Variants in TMEM169 observed in about 807,000 individuals in gnomAD.
TMEM169 encodes the protein transmembrane protein 169.
In TMEM169, 18 loss-of-function variants were observed where a neutral mutation model predicts 27.3. The observed-to-expected ratio is 0.66, with a 90% CI of 0.46 to 0.98. The LOEUF is 0.98. TMEM169 is among the 50% of genes least tolerant of loss of function. TMEM169 has a pLI of 0.00. For synonymous variants in TMEM169, 136 were observed against 142.1 expected, an observed-to-expected ratio of 0.96 and a Z score of 0.30; for missense variants, 320 against 368.6, an observed-to-expected ratio of 0.87 and a Z score of 1.08.
At chr2:216,090,020 C>T (rs777033394) in intron 1 of TMEM169, among the ~76,000 whole-genome samples, 14 of 152,006 alleles carry the variant, frequency 9.2e-5, no homozygotes, top group South Asian at 4.1e-4. Flanking sequence ...TGCGCGTGTG[C>T]GTGCGTGCAT....
Position 216,099,746 on chromosome 2 carries a change from G to A in TMEM169, c.272-174G>A, listed in dbSNP as rs1315835115. Reference sequence around the variant, plus strand: ...TCATGTGGGAGCAATAACACCAGTGGTCACTCTCCCGAGGGAGACCCACTC... The same window carrying A: ...TCATGTGGGAGCAATAACACCAGTGATCACTCTCCCGAGGGAGACCCACTC... On this transcript the variant is annotated intron_variant, in intron 2 of 2. Coordinates refer to ENST00000437356, the MANE Select transcript of TMEM169 (RefSeq NM_001142311.2). This position sits in a 1 kb window ranked among gnomAD's most constrained non-coding sequence, Gnocchi z 5.0. Among the ~76,000 whole-genome samples the A allele has an allele frequency of 6.6e-6, 1 of 152,080 alleles. No individual in the cohort carries two copies. The highest frequency in any genetic ancestry group is 6.6e-5 in the Admixed American group (1 of 15,264).
At chr2:216,096,776 G>T (rs1201623938) in intron 2 of TMEM169, among the ~76,000 whole-genome samples, 1 of 152,208 alleles carries the variant, frequency 6.6e-6, no homozygotes, top group Non-Finnish European at 1.5e-5. Context: ...TGAAATGGAA[G>T]AGGCTGATTT....
At chr2:216,084,476 G>C (rs1361122736) in intron 1 of TMEM169, among the ~76,000 whole-genome samples, 1 of 152,162 alleles carries the variant, frequency 6.6e-6, no homozygotes, top group African/African-American at 2.4e-5. Context: ...CACTTAAAAA[G>C]ATTTATCGAG....
chr2:216,097,255 G>T (rs912184466), intron 2 of TMEM169, among the ~76,000 whole-genome samples: 4 of 152,148 alleles, frequency 2.6e-5, no homozygotes, highest in Non-Finnish European at 5.9e-5. Context: ...TATTGTGGAG[G>T]CTGGGCACGG....
At chr2:216,097,968 C>T (rs922240169) in intron 2 of TMEM169, among the ~76,000 whole-genome samples, 3 of 152,060 alleles carry the variant, frequency 2.0e-5, no homozygotes, top group Non-Finnish European at 4.4e-5. Context: ...ACAGCAAGGG[C>T]AAAGCCTCTG....
intron 2 of TMEM169, among the ~76,000 whole-genome samples, chr2:216,097,659 C>T (rs1045821721): frequency 1.3e-5 from 2 of 151,760 alleles, no homozygotes; most frequent in African/African-American, 4.8e-5. Context: ...ATCTCTAAGA[C>T]ATATGCTCAC....
In TMEM169 at chr2:216,095,109, C is replaced by CTTTTT. The variant is rs71047975; in HGVS notation, c.-126-719_-126-715dup. Reference sequence around the variant, plus strand: ...AGCCACCTATGGTTCTTTTTTCTTTCTTTTTTTTTTTTTTGACAGAGTCTC... The same window carrying CTTTTT: ...AGCCACCTATGGTTCTTTTTTCTTTCTTTTTTTTTTTTTTTTTTTGACAGAGTCTC... On this transcript the variant is annotated intron_variant, in intron 1 of 2. Transcript: ENST00000437356. 4.7e-4 allele frequency among the ~76,000 whole-genome samples: 52 copies of CTTTTT among 110,476 alleles called. 4 individuals are homozygous for CTTTTT. Among genetic ancestry groups the CTTTTT allele is most frequent in the Admixed American group, 1.5e-3 (14 of 9,144 alleles). 72.5% of individuals were successfully genotyped at this position (110,476 alleles called of 152,430 possible).
In TMEM169 at chr2:216,100,511, C is replaced by A; in HGVS notation, c.863C>A (p.Pro288His). The A allele has an allele frequency of 2.5e-6, 4 of 1,614,086 alleles. No homozygotes were observed. The highest frequency in any genetic ancestry group is 3.4e-6 in the Non-Finnish European group (4 of 1,180,018). Residue 288 changes from proline to histidine, a missense_variant, in exon 3 of 3, where the codon CCC (proline) becomes CAC (histidine). Physicochemically the swap from Pro to His is moderately conservative, Grantham distance 77. Transcript: ENST00000437356. ...TCAAGCACTCTCTCCAACAAGGACCCCATCCAAGAAGTAGAAACCTCCACG... is the reference window on the plus strand; with the variant it reads ...TCAAGCACTCTCTCCAACAAGGACCACATCCAAGAAGTAGAAACCTCCACG... ...NISSTLSNKDPIQEVETSTV is the reference protein window; with the variant it reads ...NISSTLSNKDHIQEVETSTV
At chr2:216,084,313 G>A (rs1212607848) in intron 1 of TMEM169, among the ~76,000 whole-genome samples, 2 of 152,126 alleles carry the variant, frequency 1.3e-5, no homozygotes, top group African/African-American at 4.8e-5. Flanking sequence ...GAAGCATCTG[G>A]TCCTGCCCCT....
chr2:216,090,693 A>C (rs1696102204), intron 1 of TMEM169, among the ~76,000 whole-genome samples: 1 of 152,230 alleles, frequency 6.6e-6, no homozygotes, highest in Non-Finnish European at 1.5e-5. Flanking sequence ...GGTAGAGAAG[A>C]CTACTCACCA....
intron 1 of TMEM169, among the ~76,000 whole-genome samples, chr2:216,087,229 C>T (rs1220277560): frequency 6.6e-6 from 1 of 152,144 alleles, no homozygotes; most frequent in Non-Finnish European, 1.5e-5. Flanking sequence ...CGGAGAGCCT[C>T]AAACACCAGA....
At position 216,095,941 on chromosome 2, in the gene TMEM169, C is replaced by T. The variant is rs2105986267; in HGVS notation, c.-23C>T. ...CAAACAAGTCCAACTCTTTATAAGACATAGGTAGACGTCAGGTCTGGAATG... is the reference window on the plus strand; with the variant it reads ...CAAACAAGTCCAACTCTTTATAAGATATAGGTAGACGTCAGGTCTGGAATG... On this transcript the variant is annotated 5_prime_UTR_variant, in exon 2 of 3. Transcript: ENST00000437356. 2 of 1,605,116 alleles carry T rather than the reference C, an allele frequency of 1.2e-6. No individual in the cohort carries two copies. The highest frequency in any genetic ancestry group is 1.7e-6 in the Non-Finnish European group (2 of 1,176,410).
At chr2:216,095,517 T>TA (rs1463439791) in intron 1 of TMEM169, among the ~76,000 whole-genome samples, 2 of 152,188 alleles carry the variant, frequency 1.3e-5, no homozygotes, top group African/African-American at 4.8e-5. Flanking sequence ...GCTAACTACT[T>TA]ATGTATATAA....
Position 216,100,299 on chromosome 2 carries a change from C to A in TMEM169, c.651C>A (p.Leu217=), listed in dbSNP as rs961986887. ...GCCTCGTTCTCTTCTATCCAGTGCT[C>A]ATCATGGCCATGGCTTCTTCCCTCG... The part of the protein sequence containing the change: ...CPCLVLFYPV[L]IMAMASSLGL... The change falls in exon 3 of 3, where the codon CTC becomes CTA. Residue 217 remains leucine (L), a synonymous_variant. Coordinates refer to ENST00000437356, the MANE Select transcript of TMEM169 (RefSeq NM_001142311.2). The A allele has an allele frequency of 2.5e-6, 4 of 1,613,762 alleles. No homozygotes were observed. In the African/African-American group the frequency reaches 5.3e-5, roughly 22 times the overall value.
chr2:216,086,254 G>A (rs1441979638), intron 1 of TMEM169, among the ~76,000 whole-genome samples: 1 of 151,974 alleles, frequency 6.6e-6, no homozygotes, highest in Admixed American at 6.6e-5. Flanking sequence ...TAGTAGAGGG[G>A]GTTTCACCAT....
chr2:216,090,384 A>C (rs1251575323), intron 1 of TMEM169, among the ~76,000 whole-genome samples: 1 of 152,178 alleles, frequency 6.6e-6, no homozygotes, highest in Non-Finnish European at 1.5e-5. Flanking sequence ...TTGTAAGGAC[A>C]CTCAGATGGC....
Position 216,099,313 on chromosome 2 carries a change from T to A in TMEM169, c.272-607T>A, listed in dbSNP as rs1696333552. On this transcript the variant is annotated intron_variant, in intron 2 of 2. Coordinates refer to ENST00000437356, the MANE Select transcript of TMEM169 (RefSeq NM_001142311.2). The surrounding 1 kb of genome is among the most constrained non-coding windows in gnomAD (Gnocchi z 5.0). ...GTGGTGTGTGTATGGGATAGTGTAG[T>A]GTGTGTATGTGGTACGTGATTGGGA... 6.6e-6 allele frequency among the ~76,000 whole-genome samples: 1 copy of A among 151,460 alleles called. No homozygotes were observed. The highest frequency in any genetic ancestry group is 2.4e-5 in the African/African-American group (1 of 41,142).
rs938048044 is a variant in TMEM169, at chr2:216,100,783, T to C, written c.*241T>C. On this transcript the variant is annotated 3_prime_UTR_variant, in exon 3 of 3. Coordinates refer to ENST00000437356, the MANE Select transcript of TMEM169 (RefSeq NM_001142311.2). ...TTGATTCCCTGCCCTAAAATCACCA[T>C]TTATTTAGGACAATGGAACTCTGCT... The C allele has an allele frequency of 9.0e-6, 5 of 557,400 alleles. No homozygotes were observed. The highest frequency in any genetic ancestry group is 6.3e-5 in the Admixed American group (2 of 31,966). 34.5% of individuals were successfully genotyped at this position (557,400 alleles called of 1,614,324 possible).
At chr2:216,097,474 C>A (rs1369204520) in intron 2 of TMEM169, among the ~76,000 whole-genome samples, 1 of 152,078 alleles carries the variant, frequency 6.6e-6, no homozygotes, top group Non-Finnish European at 1.5e-5. Context: ...TTGCTTTAAC[C>A]TGGGAGGTGG....
Sources: gnomAD v4.1 joint callset for allele counts (sites outside exome capture counted in the v4.1 genomes callset) on GRCh38, gnomAD v4.1.1 for gene constraint, Gnocchi (gnomAD v3.1) non-coding constraint, MANE v1.5 for transcripts, NCBI Gene and HGNC (gene_info 2026-07-23, HGNC 2026-07-21) for gene names.